PIBF1: variants seen among roughly 807,000 people sequenced by gnomAD.
PIBF1 encodes progesterone immunomodulatory binding factor 1.
Under a neutral mutation model 112.5 loss-of-function variants are expected in PIBF1, and 90 were observed. That is an observed-to-expected ratio of 0.80 (90% CI 0.67 to 0.95). The LOEUF (loss-of-function observed/expected upper bound fraction) is 0.95, where lower values mean the gene tolerates loss of function less well. Ranked by LOEUF, PIBF1 falls within the 40% of genes least tolerant of loss-of-function variation. PIBF1 has a pLI of 0.00. For synonymous variants in PIBF1, 301 were observed against 288.6 expected, an observed-to-expected ratio of 1.04 and a Z score of -0.44; for missense variants, 915 against 852.3, an observed-to-expected ratio of 1.07 and a Z score of -0.92.
chr13:72,918,386 T>A (rs911849453), intron 13 of PIBF1, among the ~76,000 whole-genome samples: 1 of 76,296 alleles, frequency 1.3e-5, no homozygotes, highest in African/African-American at 3.7e-5. Context: ...ACTACCTATT[T>A]TTTTTTTTTT....
chr13:72,958,290 A>G (rs1030116331), intron 14 of PIBF1, among the ~76,000 whole-genome samples: 13 of 139,664 alleles, frequency 9.3e-5, no homozygotes, highest in Non-Finnish European at 1.8e-4. Context: ...AACCTGGATG[A>G]CAAAGCAAGA....
rs908765295 is a variant in PIBF1, at chr13:72,835,375, A to C, written c.1223+7A>C. ...TGTATGAACGAGAAAACAGGTAAAA[A>C]AAAAAAAATGCTTGTATGGTATTTT... On this transcript the variant is annotated splice_region_variant and intron_variant, in intron 9 of 17. Coordinates refer to ENST00000326291, the MANE Select transcript of PIBF1 (RefSeq NM_006346.4). 1.9e-6 allele frequency: 3 copies of C among 1,558,222 alleles called. No homozygotes were observed. Among genetic ancestry groups the C allele is most frequent in the Non-Finnish European group, 2.6e-6 (3 of 1,160,048 alleles).
intron 17 of PIBF1, among the ~76,000 whole-genome samples, chr13:73,001,994 G>A (rs1040869078): frequency 1.3e-5 from 2 of 152,030 alleles, no homozygotes; most frequent in African/African-American, 2.4e-5. Flanking sequence ...TACATCTGAA[G>A]GCAACCTCAA....
At chr13:72,904,012 A>G (rs1375312698) in intron 11 of PIBF1, among the ~76,000 whole-genome samples, 1 of 152,170 alleles carries the variant, frequency 6.6e-6, no homozygotes, top group Non-Finnish European at 1.5e-5. Context: ...GATGCTATAG[A>G]ATTTTGTTTT....
At chr13:72,854,880 GA>G (rs2038341697) in intron 10 of PIBF1, among the ~76,000 whole-genome samples, 1 of 151,390 alleles carries the variant, frequency 6.6e-6, no homozygotes, top group Admixed American at 6.6e-5. Context: ...ATATCAGAGA[GA>G]ATGATATATC....
chr13:72,853,913 C>T (rs2038289364), intron 9 of PIBF1, 144 bp from the exon 10 acceptor site: 3 of 608,716 alleles, frequency 4.9e-6, no homozygotes, highest in East Asian at 5.6e-5. Flanking sequence ...GATACTCAAC[C>T]AAGCCAAGCA....
intron 16 of PIBF1, among the ~76,000 whole-genome samples, chr13:72,989,372 C>T (rs945842734): frequency 1.3e-5 from 2 of 151,360 alleles, no homozygotes; most frequent in African/African-American, 4.8e-5. Flanking sequence ...TTTGGTATAT[C>T]CATGCAGTGG....
chr13:72,840,816 A>T lies in PIBF1; in HGVS notation c.1223+5448A>T, dbSNP rs139135520. 1.1e-4 allele frequency among the ~76,000 whole-genome samples: 17 copies of T among 152,286 alleles called. No homozygotes were observed. The East Asian group carries it at 3.3e-3, about 29-fold the overall frequency. The stretch of plus-strand genomic sequence containing the variant: ...GCTGGGATTACAGGCGTGAGCCACC[A>T]TGCCCGGCCCCAATAAACATTTTCT... On this transcript the variant is annotated intron_variant, in intron 9 of 17. Coordinates refer to ENST00000326291, the MANE Select transcript of PIBF1 (RefSeq NM_006346.4).
At chr13:72,928,032 T>TACATATATATAC (rs1566458765) in intron 13 of PIBF1, among the ~76,000 whole-genome samples, 2 of 133,314 alleles carry the variant, frequency 1.5e-5, no homozygotes, top group East Asian at 2.0e-4. Flanking sequence ...TATACATATA[T>TACATATATATAC]ATATATATAT....
intron 14 of PIBF1, among the ~76,000 whole-genome samples, chr13:72,958,364 T>C (rs1460393170): frequency 6.9e-6 from 1 of 145,620 alleles, no homozygotes; most frequent in Non-Finnish European, 1.5e-5. Flanking sequence ...GAAGTAGTAA[T>C]GTTCTATAGT....
intron 14 of PIBF1, among the ~76,000 whole-genome samples, chr13:72,963,267 T>C (rs1257853461): frequency 6.6e-6 from 1 of 152,118 alleles, no homozygotes; most frequent in Non-Finnish European, 1.5e-5. Context: ...AATAGATAAA[T>C]TGAATTTCCT....
chr13:72,812,369 G>C (rs2036061983), intron 5 of PIBF1, among the ~76,000 whole-genome samples: 1 of 152,106 alleles, frequency 6.6e-6, no homozygotes, highest in Non-Finnish European at 1.5e-5. Context: ...CTATCACTAT[G>C]ATGTCATTGC....
rs191872346 is a variant in PIBF1 at position 72,874,671 on chromosome 13, G to T, written c.1323-19113G>T. Among the ~76,000 whole-genome samples the T allele has an allele frequency of 1.8e-4, 27 of 152,310 alleles. 1 individual carries two copies. In the East Asian group the frequency reaches 5.0e-3, roughly 28 times the overall value. ...TAGTCACAGTTGCATGGCCAAAACA[G>T]TTGTTGAAACTTATGAACTTGCACA... On this transcript the variant is annotated intron_variant, in intron 10 of 17. Transcript: ENST00000326291.
rs181427888 is a variant in PIBF1, at chr13:72,883,106, G to A, written c.1323-10678G>A. ...ACCCAAGTGTCCATCAACAGATACC[G>A]GATAAAGAAAATGTGGTACATATAC... is the stretch of plus-strand genomic sequence containing the variant. On this transcript the variant is annotated intron_variant, in intron 10 of 17. Coordinates refer to ENST00000326291, the MANE Select transcript of PIBF1 (RefSeq NM_006346.4). Among the ~76,000 whole-genome samples the A allele has an allele frequency of 4.6e-5, 7 of 152,210 alleles. 1 individual carries two copies. Among genetic ancestry groups the A allele is most frequent in the African/African-American group, 9.6e-5 (4 of 41,522 alleles).
chr13:72,927,780 T>C (rs1003487715), intron 13 of PIBF1, among the ~76,000 whole-genome samples: 3 of 150,798 alleles, frequency 2.0e-5, no homozygotes, highest in African/African-American at 4.9e-5. Context: ...TAATCTCTTA[T>C]ATCCTTAATA....
intron 5 of PIBF1, among the ~76,000 whole-genome samples, chr13:72,798,254 T>G (rs1207130816): frequency 6.6e-6 from 1 of 152,230 alleles, no homozygotes. Context: ...CTTTTATTGT[T>G]GCAAGTCAAT....
intron 10 of PIBF1, among the ~76,000 whole-genome samples, chr13:72,877,904 C>T (rs976442453): frequency 3.9e-5 from 6 of 151,948 alleles, no homozygotes; most frequent in East Asian, 3.9e-4. Context: ...CATGCACCAC[C>T]ACGCCTGGTT....
intron 6 of PIBF1, among the ~76,000 whole-genome samples, chr13:72,824,694 G>C (rs2036720746): frequency 6.6e-6 from 1 of 152,092 alleles, no homozygotes; most frequent in African/African-American, 2.4e-5. Context: ...TGAAGTATAA[G>C]TATGTTAGGG....
intron 13 of PIBF1, among the ~76,000 whole-genome samples, chr13:72,928,208 C>T (rs1366016733): frequency 6.6e-6 from 1 of 151,440 alleles, no homozygotes; most frequent in Non-Finnish European, 1.5e-5. Flanking sequence ...TACTAATACT[C>T]ACGGTCCTTC....
Sources: allele counts gnomAD v4.1 joint callset (sites outside exome capture counted in the v4.1 genomes callset), GRCh38; gene constraint gnomAD v4.1.1; transcripts MANE v1.5; gene names NCBI Gene and HGNC (gene_info 2026-07-23, HGNC 2026-07-21).